The following GPRC6A variants were observed in gnomAD, a reference collection of about 807,000 sequenced individuals.
The protein encoded by GPRC6A is G protein-coupled receptor class C group 6 member A.
In GPRC6A, 54 loss-of-function variants were observed where a neutral mutation model predicts 47.0. The observed-to-expected ratio is 1.15, with a 90% CI of 0.92 to 1.44. The LOEUF (loss-of-function observed/expected upper bound fraction) is 1.44, where lower values mean the gene tolerates loss of function less well. Among genes scored for constraint, GPRC6A ranks in the 40% most tolerant of loss-of-function variants. GPRC6A has a pLI of 0.00. For missense variants in GPRC6A, 1,112 were observed against 1,105.5 expected (o/e 1.01, Z -0.08); for synonymous variants, 347 against 377.1 (o/e 0.92, Z 0.93).
In GPRC6A at chr6:116,806,635, TA is replaced by T. The variant is rs1672124867; in HGVS notation, c.1069del (p.Tyr357MetfsTer16). On this transcript the variant is annotated frameshift_variant, in exon 3 of 6. Transcript: ENST00000310357. LOFTEE classifies it high-confidence loss of function. ...TGCGCAGGCAGATAAATGCATGGCA[TA>T]TTCATGTAAGAGTTTGTGACTGTCA... ...PSDSHKLLHE[Y>X]AMHLSACAYV... 15 of 1,613,524 alleles carry T rather than the reference TA, an allele frequency of 9.3e-6. No homozygotes were observed. In the East Asian group the frequency reaches 3.3e-4, roughly 36 times the overall value.
chr6:116,822,979 G>A (rs1330697004), intron 1 of GPRC6A, among the ~76,000 whole-genome samples: 2 of 150,980 alleles, frequency 1.3e-5, no homozygotes, highest in Admixed American at 6.6e-5. Context: ...TGCCATGGAG[G>A]TCTCTGAAAT....
chr6:116,814,911 A>G (rs919545917), intron 1 of GPRC6A, among the ~76,000 whole-genome samples: 3 of 152,164 alleles, frequency 2.0e-5, no homozygotes, highest in Non-Finnish European at 4.4e-5. Flanking sequence ...CAAAAACCAA[A>G]AGTGAGCAGA....
intron 1 of GPRC6A, among the ~76,000 whole-genome samples, chr6:116,812,556 A>C (rs141187109): frequency 1.3e-5 from 2 of 152,338 alleles, no homozygotes; most frequent in African/African-American, 4.8e-5. Context: ...GTAAGCAAGA[A>C]CATGACAGGA....
At chr6:116,812,267 GAAA>G (rs910499873) in intron 1 of GPRC6A, among the ~76,000 whole-genome samples, 6 of 152,134 alleles carry the variant, frequency 3.9e-5, no homozygotes, top group African/African-American at 1.4e-4. Flanking sequence ...ACTATATCCA[GAAA>G]ACTTATCCTT....
intron 4 of GPRC6A, among the ~76,000 whole-genome samples, chr6:116,798,791 G>A (rs1198651413): frequency 6.6e-6 from 1 of 151,330 alleles, no homozygotes; most frequent in African/African-American, 2.4e-5. Context: ...GCTGAGACCA[G>A]CAAAATGCTT....
In GPRC6A at chr6:116,818,532, TAAAAA is replaced by T. The variant is rs35974500; in HGVS notation, c.195-8920_195-8916del. ...CTGGGCGACAGAGCGAGACTCCGTC[TAAAAA>T]AAAAAAAAAAAAAAAAAAAAAAAAA... On this transcript the variant is annotated intron_variant, in intron 1 of 5. Coordinates refer to ENST00000310357, the MANE Select transcript of GPRC6A (RefSeq NM_148963.4). Among the ~76,000 whole-genome samples, 67 of 15,504 alleles carry T rather than the reference TAAAAA, an allele frequency of 4.3e-3. 3 individuals are homozygous for T. The highest frequency in any genetic ancestry group is 6.3e-3 in the Non-Finnish European group (37 of 5,890). 10.2% of individuals were successfully genotyped at this position (15,504 alleles called of 152,430 possible).
chr6:116,801,613 T>C (rs1772678101), intron 3 of GPRC6A, among the ~76,000 whole-genome samples: 2 of 152,154 alleles, frequency 1.3e-5, no homozygotes, highest in Admixed American at 1.3e-4. Flanking sequence ...AAGACAATTA[T>C]TCTATTCTAT....
chr6:116,819,615 A>T (rs1364116684), intron 1 of GPRC6A, among the ~76,000 whole-genome samples: 1 of 152,236 alleles, frequency 6.6e-6, no homozygotes, highest in Admixed American at 6.5e-5. Flanking sequence ...ACTACTGGGT[A>T]CATAATGAAA....
chr6:116,808,457 T>C (rs1772922488), intron 2 of GPRC6A, among the ~76,000 whole-genome samples: 1 of 152,158 alleles, frequency 6.6e-6, no homozygotes, highest in Non-Finnish European at 1.5e-5. Context: ...AAATAGTTCT[T>C]TTTGTTTAAT....
intron 1 of GPRC6A, among the ~76,000 whole-genome samples, chr6:116,818,318 A>C (rs1411971419): frequency 2.6e-5 from 4 of 151,066 alleles, no homozygotes; most frequent in African/African-American, 2.4e-5. Flanking sequence ...GCGGATCACG[A>C]GGTCAGGAGA....
intron 1 of GPRC6A, among the ~76,000 whole-genome samples, chr6:116,819,315 C>T (rs1451240859): frequency 8.2e-4 from 123 of 150,828 alleles, no homozygotes; most frequent in African/African-American, 2.8e-3. Flanking sequence ...AGAAAGTCAA[C>T]AAGGATACCC....
At chr6:116,809,652 A>G (rs765759735) in intron 1 of GPRC6A, 35 bp from the exon 2 acceptor site, 8 of 1,483,442 alleles carry the variant, frequency 5.4e-6, no homozygotes, top group Non-Finnish European at 6.5e-6. Context: ...AAATCAGAAC[A>G]TAACTCTTCT....
intron 1 of GPRC6A, among the ~76,000 whole-genome samples, chr6:116,817,410 A>C (rs1453566537): frequency 3.3e-5 from 5 of 151,026 alleles, no homozygotes; most frequent in Admixed American, 6.6e-5. Flanking sequence ...CAAAGACCAA[A>C]AGTAGATAAA....
chr6:116,792,528 T>C lies in GPRC6A; in HGVS notation c.2395A>G (p.Ile799Val). The change falls in exon 6 of 6, where the codon ATC becomes GTC. Residue 799 changes from isoleucine to valine, a missense_variant. Ile to Val is a conservative substitution (Grantham distance 29). Transcript: ENST00000310357. ...LIYFIAWITF[I>V]PIYATTFGKY... ...CCAAATGTGGTAGCATAGATAGGGA[T>C]GAATGTGATCCAAGCTATGAAGTAA... The C allele has an allele frequency of 6.2e-7, 1 of 1,613,824 alleles. No homozygotes were observed. The highest frequency in any genetic ancestry group is 8.5e-7 in the Non-Finnish European group (1 of 1,179,876).
chr6:116,824,888 A>G (rs1309268517), intron 1 of GPRC6A, among the ~76,000 whole-genome samples: 3 of 152,042 alleles, frequency 2.0e-5, no homozygotes, highest in Non-Finnish European at 4.4e-5. Context: ...CAAAGATAAT[A>G]CACCATGATT....
chr6:116,795,896 A>G (rs926208590), intron 4 of GPRC6A, 61 bp from the exon 5 acceptor site: 3 of 1,148,182 alleles, frequency 2.6e-6, no homozygotes, highest in Non-Finnish European at 3.7e-6. Context: ...ATCCTAATCG[A>G]TTATCCTCGG....
chr6:116,814,699 C>G (rs1307981073), intron 1 of GPRC6A, among the ~76,000 whole-genome samples: 1 of 151,428 alleles, frequency 6.6e-6, no homozygotes, highest in Non-Finnish European at 1.5e-5. Context: ...TCATGTATAC[C>G]TAAGTATCAA....
In GPRC6A at chr6:116,792,714, G is replaced by A. The variant is rs1330270302; in HGVS notation, c.2209C>T (p.Pro737Ser). The A allele has an allele frequency of 1.9e-6, 3 of 1,612,900 alleles. No homozygotes were observed. Among genetic ancestry groups the A allele is most frequent in the East Asian group, 2.2e-5 (1 of 44,870 alleles). ...TCACACTCCAGGATGATGACTCTGG[G>A]CAAGGAGACATTCACCTCTACAGTA... is the stretch of plus-strand genomic sequence containing the variant. Reference protein sequence around the residue: ...APTVEVNVSLPRVIILECEEG... With the variant: ...APTVEVNVSLSRVIILECEEG... Residue 737 changes from proline (P) to serine (S), a missense_variant, in exon 6 of 6, where the codon CCC (proline) becomes TCC (serine). By Grantham distance (74) the Pro-to-Ser change is moderately conservative (BLOSUM62 -1). Transcript: ENST00000310357.
intron 3 of GPRC6A, among the ~76,000 whole-genome samples, chr6:116,803,121 C>T (rs1347010153): frequency 6.6e-6 from 1 of 152,048 alleles, no homozygotes; most frequent in African/African-American, 2.4e-5. Context: ...ACAAATGACA[C>T]CAGTTGTCCA....
Sources: allele counts gnomAD v4.1 joint callset (sites outside exome capture counted in the v4.1 genomes callset), GRCh38; gene constraint gnomAD v4.1.1; transcripts MANE v1.5; gene names NCBI Gene and HGNC (gene_info 2026-07-23, HGNC 2026-07-21).